Variants in BMPR1B observed in about 807,000 individuals in gnomAD.
The protein encoded by BMPR1B is bone morphogenetic protein receptor type 1B.
BMPR1B carries 12 observed loss-of-function variants against 59.1 expected under a neutral mutation model. The observed-to-expected ratio is 0.20, with a 90% confidence interval of 0.13 to 0.33. BMPR1B has a LOEUF of 0.33. BMPR1B is among the 10% of genes least tolerant of loss of function. BMPR1B has a pLI of 1.00. For synonymous variants in BMPR1B, 237 were observed against 207.3 expected (o/e 1.14, Z -1.23); for missense variants, 550 against 610.9 (o/e 0.90, Z 1.05).
intron 2 of BMPR1B, among the ~76,000 whole-genome samples, chr4:94,976,527 A>C (rs1289948115): frequency 6.6e-6 from 1 of 151,846 alleles, no homozygotes; most frequent in African/African-American, 2.4e-5. Context: ...CTGCCCTCAA[A>C]CCCCCCATGT....
intron 2 of BMPR1B, among the ~76,000 whole-genome samples, chr4:94,888,127 T>C (rs1042153571): frequency 1.3e-5 from 2 of 152,096 alleles, no homozygotes; most frequent in African/African-American, 2.4e-5. Context: ...AAAGTGGCAA[T>C]CAAGAATTTT....
intron 2 of BMPR1B, among the ~76,000 whole-genome samples, chr4:94,936,682 G>C (rs1339109138): frequency 2.0e-5 from 3 of 152,104 alleles, no homozygotes; most frequent in South Asian, 2.1e-4. Context: ...TTTAAAGATA[G>C]AAAAAATATT....
At chr4:95,012,410 T>G (rs192972505) in intron 3 of BMPR1B, among the ~76,000 whole-genome samples, 9 of 152,322 alleles carry the variant, frequency 5.9e-5, no homozygotes, top group Admixed American at 3.9e-4. Context: ...AAGGTGTGTT[T>G]TTTAGTCAGA....
At chr4:95,154,468 G>T (rs1735269471) in intron 12 of BMPR1B, 80 bp from the exon 13 acceptor site, 1 of 1,585,724 alleles carries the variant, frequency 6.3e-7, no homozygotes, top group Non-Finnish European at 8.6e-7. Flanking sequence ...CAAACTTAAT[G>T]AACCTAAAAC....
intron 1 of BMPR1B, among the ~76,000 whole-genome samples, 164 bp downstream of exon 1, chr4:94,758,232 C>T (rs1321040364): frequency 6.7e-6 from 1 of 149,332 alleles, no homozygotes; most frequent in African/African-American, 2.4e-5. Context: ...GGACGGAGCG[C>T]GCGAGGGAGA....
In BMPR1B at chr4:95,152,720, G is replaced by A; in HGVS notation, c.1330G>A (p.Val444Met). The stretch of plus-strand genomic sequence containing the variant: ...CTCTTATGAGGACATGAGGGAGATT[G>A]TGTGCATCAAGAAGTTACGCCCCTC... ...DPSYEDMREI[V>M]CIKKLRPSFP... The change falls in exon 12 of 13, where the codon GTG becomes ATG. Residue 444 changes from valine to methionine, a missense_variant. Transcript: ENST00000515059. 1 of 1,606,354 alleles carries A rather than the reference G, an allele frequency of 6.2e-7. No individual in the cohort carries two copies. Among genetic ancestry groups the A allele is most frequent in the Non-Finnish European group, 8.5e-7 (1 of 1,176,256 alleles).
chr4:94,917,900 C>G, intron 2 of BMPR1B, among the ~76,000 whole-genome samples: 1 of 152,070 alleles, frequency 6.6e-6, no homozygotes, highest in East Asian at 1.9e-4. Flanking sequence ...GCTGACCCCT[C>G]ATGACTTGAT....
chr4:95,015,013 G>T (rs1402076973), intron 3 of BMPR1B, among the ~76,000 whole-genome samples: 3 of 152,094 alleles, frequency 2.0e-5, no homozygotes, highest in African/African-American at 4.8e-5. Context: ...CCTTGGGAGG[G>T]GGTGTCTCTA....
intron 3 of BMPR1B, among the ~76,000 whole-genome samples, chr4:95,100,222 A>G (rs1341158979): frequency 5.3e-5 from 8 of 152,142 alleles, no homozygotes; most frequent in Non-Finnish European, 2.9e-5. Context: ...TGGAAGGAAT[A>G]TCTCCTCCAA....
intron 2 of BMPR1B, among the ~76,000 whole-genome samples, chr4:94,932,013 A>G (rs1362790328): frequency 6.6e-6 from 1 of 152,156 alleles, no homozygotes; most frequent in Non-Finnish European, 1.5e-5. Context: ...GCATCACAAT[A>G]CTAAGGACTT....
At chr4:94,771,130 GAT>G (rs1447846730) in intron 1 of BMPR1B, among the ~76,000 whole-genome samples, 1 of 152,158 alleles carries the variant, frequency 6.6e-6, no homozygotes, top group African/African-American at 2.4e-5. Context: ...AGAAAAAGCA[GAT>G]ATACACACAC....
chr4:95,081,026 G>A (rs909484535), intron 3 of BMPR1B, among the ~76,000 whole-genome samples: 2 of 152,152 alleles, frequency 1.3e-5, no homozygotes, highest in African/African-American at 4.8e-5. Context: ...CCAGTAGGAG[G>A]TAATTGAATA....
intron 2 of BMPR1B, among the ~76,000 whole-genome samples, chr4:94,976,448 A>G (rs1021209706): frequency 6.6e-6 from 1 of 152,152 alleles, no homozygotes; most frequent in Non-Finnish European, 1.5e-5. Flanking sequence ...GGAAAATATA[A>G]TCTGCCACAG....
intron 10 of BMPR1B, among the ~76,000 whole-genome samples, chr4:95,136,263 T>C (rs1733776293): frequency 6.6e-6 from 1 of 152,240 alleles, no homozygotes; most frequent in African/African-American, 2.4e-5. Context: ...TGAAGCCCAC[T>C]TGATCATGGT....
At chr4:94,892,979 G>A (rs1727457518) in intron 2 of BMPR1B, among the ~76,000 whole-genome samples, 1 of 151,968 alleles carries the variant, frequency 6.6e-6, no homozygotes, top group Non-Finnish European at 1.5e-5. Flanking sequence ...CAGTCCTGCA[G>A]GGTTTTCATG....
In BMPR1B at chr4:95,104,571, G is replaced by A; in HGVS notation, c.143+4G>A. 1 of 1,613,178 alleles carries A rather than the reference G, an allele frequency of 6.2e-7. No homozygotes were observed. Among genetic ancestry groups the A allele is most frequent in the Non-Finnish European group, 8.5e-7 (1 of 1,179,412 alleles). On this transcript the variant is annotated splice_donor_region_variant and intron_variant, in intron 4 of 12. Coordinates refer to ENST00000515059, the MANE Select transcript of BMPR1B (RefSeq NM_001203.3). ...ACTCAGTCAACAATATTTGCAGGTT[G>A]GTGATATAAATGATTTAAAGCTAGC...
rs56341742 is a variant in BMPR1B, at chr4:94,957,333, GTTTTTTTTTTTT to G, written c.-112-38691_-112-38680del. ...ACAGAGAGTCCACCTCCTGTTTCGT[GTTTTTTTTTTTT>G]TTTTTTTTTTTTTTTCCTTTTGCAA... On this transcript the variant is annotated intron_variant, in intron 2 of 12. Transcript: ENST00000515059. 2.6e-4 allele frequency among the ~76,000 whole-genome samples: 17 copies of G among 65,664 alleles called. No homozygotes were observed. The South Asian group carries it at 2.9e-3, about 11-fold the overall frequency. 43.1% of individuals were successfully genotyped at this position (65,664 alleles called of 152,430 possible). A position where few individuals can be genotyped will look rare whatever the true frequency, so the allele number is the denominator to read the frequency against.
chr4:95,067,873 T>C (rs1288191764), intron 3 of BMPR1B, among the ~76,000 whole-genome samples: 1 of 152,146 alleles, frequency 6.6e-6, no homozygotes, highest in African/African-American at 2.4e-5. Context: ...AAGAATACTT[T>C]GGGAACGGAT....
intron 3 of BMPR1B, among the ~76,000 whole-genome samples, chr4:95,029,496 A>G (rs1029084844): frequency 6.6e-6 from 1 of 152,072 alleles, no homozygotes; most frequent in Non-Finnish European, 1.5e-5. Flanking sequence ...CCAGTCTATC[A>G]TTGTTGGACA....
Sources: allele counts gnomAD v4.1 joint callset (sites outside exome capture counted in the v4.1 genomes callset), GRCh38; gene constraint gnomAD v4.1.1; transcripts MANE v1.5; gene names NCBI Gene and HGNC (gene_info 2026-07-23, HGNC 2026-07-21).